The following NGLY1 variants were observed in gnomAD, a reference collection of about 807,000 sequenced individuals.
NGLY1 encodes the protein N-glycanase 1.
NGLY1 carries 68 observed loss-of-function variants against 84.6 expected under a neutral mutation model. The observed-to-expected ratio is 0.80, with a 90% CI of 0.66 to 0.98. The LOEUF is 0.98. Among genes scored for constraint, NGLY1 ranks in the 50% least tolerant of loss-of-function variants. NGLY1 has a pLI of 0.00. For missense variants in NGLY1, 779 were observed against 770.2 expected, an observed-to-expected ratio of 1.01 and a Z score of -0.14; for synonymous variants, 280 against 275.2, an observed-to-expected ratio of 1.02 and a Z score of -0.17.
intron 10 of NGLY1, among the ~76,000 whole-genome samples, chr3:25,721,914 C>G (rs895765401): frequency 3.3e-5 from 5 of 151,740 alleles, no homozygotes; most frequent in Non-Finnish European, 7.4e-5. Context: ...GGCACAGTTT[C>G]TGGATTCATA....
chr3:25,776,798 A>G (rs1437132803), intron 2 of NGLY1, among the ~76,000 whole-genome samples: 1 of 152,184 alleles, frequency 6.6e-6, no homozygotes, highest in Non-Finnish European at 1.5e-5. Flanking sequence ...TCACAAAAAG[A>G]AATCCTGGAT....
rs1375323331 is a variant in NGLY1, at chr3:25,739,584, ATCGATTGCTGAACTGGC to A, written c.857_873del (p.Cys286PhefsTer5). On this transcript the variant is annotated frameshift_variant, in exon 5 of 12. Transcript: ENST00000280700. LOFTEE classifies it high-confidence loss of function. ...ACCATCCAGGGCACCCACCTTGGGA[ATCGATTGCTGAACTGGC>A]AGGCATCACAGTAATGATCTTCCAC... is the stretch of plus-strand genomic sequence containing the variant. The A allele has an allele frequency of 1.9e-6, 3 of 1,613,974 alleles. No individual in the cohort carries two copies. The African/African-American group carries it at 4.0e-5, about 22-fold the overall frequency.
intron 1 of NGLY1, 51 bp from the exon 2 acceptor site, chr3:25,778,739 T>A (rs763363361): frequency 9.0e-7 from 1 of 1,106,732 alleles, no homozygotes; most frequent in South Asian, 1.4e-5. Context: ...AGGTCATAGT[T>A]CTTCAAAGAC....
chr3:25,782,089 G>C (rs1157959960), intron 1 of NGLY1, among the ~76,000 whole-genome samples: 1 of 152,178 alleles, frequency 6.6e-6, no homozygotes, highest in East Asian at 1.9e-4. Context: ...CTGTGAACAG[G>C]CCACATGTTG....
Position 25,719,996 on chromosome 3 carries a change from C to A in NGLY1, c.1789+18G>T, listed in dbSNP as rs185763851. The stretch of plus-strand genomic sequence containing the variant: ...GTAAATATATATTTCGTGATTAATT[C>A]TCCAGGCAAATGCTTACCGCCTGTC... On this transcript the variant is annotated intron_variant, in intron 11 of 11. Transcript: ENST00000280700. 86 of 1,593,708 alleles carry A rather than the reference C, an allele frequency of 5.4e-5. No homozygotes were observed. The highest frequency in any genetic ancestry group is 2.6e-6 in the Non-Finnish European group (3 of 1,166,600).
At position 25,732,380 on chromosome 3, in the gene NGLY1, A is replaced by T. The variant is rs754714582; in HGVS notation, c.1364T>A (p.Leu455His). The change falls in exon 9 of 12, where the codon CTT becomes CAT. Residue 455 changes from leucine to histidine, a missense_variant. Transcript: ENST00000280700. Reference protein sequence around the residue: ...ISPKTPKPGELGGRISGSVAW... With the variant: ...ISPKTPKPGEHGGRISGSVAW... Reference sequence around the variant, plus strand: ...CACTGACCCAGATATTCTTCCCCCAAGTTCTCCAGGTTTAGGGGTTTTGGG... The same window carrying T: ...CACTGACCCAGATATTCTTCCCCCATGTTCTCCAGGTTTAGGGGTTTTGGG... 4.3e-6 allele frequency: 7 copies of T among 1,613,800 alleles called. No homozygotes were observed. Among genetic ancestry groups the T allele is most frequent in the Non-Finnish European group, 5.9e-6 (7 of 1,179,774 alleles).
At position 25,751,147 on chromosome 3, in the gene NGLY1, T is replaced by G; in HGVS notation, c.609A>C (p.Leu203=). 2 of 1,613,830 alleles carry G rather than the reference T, an allele frequency of 1.2e-6. No individual in the cohort carries two copies. Among genetic ancestry groups the G allele is most frequent in the Non-Finnish European group, 1.7e-6 (2 of 1,179,864 alleles). The stretch of plus-strand genomic sequence containing the variant: ...ATAACTTTTCTTGTGATTTCCTTTT[T>G]AGTTCTTGGACCGGAATACAAGCCA... The part of the protein sequence containing the change: ...KALACIPVQE[L]KRKSQEKLSR... Residue 203 remains leucine (L), a synonymous_variant, in exon 4 of 12, where the codon CTA becomes CTC. Transcript: ENST00000280700.
intron 3 of NGLY1, among the ~76,000 whole-genome samples, chr3:25,758,367 G>A (rs978986283): frequency 1.2e-4 from 18 of 152,144 alleles, no homozygotes; most frequent in African/African-American, 3.6e-4. Flanking sequence ...CTTGAGACCA[G>A]GAGTTCCAGA....
chr3:25,758,978 C>G (rs1374575732), intron 3 of NGLY1, among the ~76,000 whole-genome samples: 1 of 152,190 alleles, frequency 6.6e-6, no homozygotes, highest in Non-Finnish European at 1.5e-5. Context: ...TTTGATTCAG[C>G]CAGCCTGGAA....
At chr3:25,734,136 A>C in intron 7 of NGLY1, 154 bp from the exon 8 acceptor site, 13 of 924,994 alleles carry the variant, frequency 1.4e-5, no homozygotes, top group Non-Finnish European at 1.7e-5. Flanking sequence ...GCGTGATCTC[A>C]GCTCACTGCA....
chr3:25,734,922 T>C (rs1316081178), intron 7 of NGLY1: 8 of 743,822 alleles, frequency 1.1e-5, no homozygotes, highest in Non-Finnish European at 1.3e-5. Flanking sequence ...TTTATTGTAT[T>C]AGATTTATAT....
intron 10 of NGLY1, among the ~76,000 whole-genome samples, chr3:25,721,221 C>T (rs1180416563): frequency 6.6e-6 from 1 of 152,120 alleles, no homozygotes; most frequent in Non-Finnish European, 1.5e-5. Flanking sequence ...CTCCAACTAC[C>T]ATGCCTGGCT....
chr3:25,735,830 A>T, intron 7 of NGLY1, 174 bp downstream of exon 7: 1 of 561,002 alleles, frequency 1.8e-6, no homozygotes, highest in Non-Finnish European at 2.9e-6. Flanking sequence ...GCACATCCAT[A>T]CAATGAATAC....
intron 10 of NGLY1, among the ~76,000 whole-genome samples, chr3:25,728,835 A>G (rs1258548763): frequency 6.6e-6 from 1 of 152,122 alleles, no homozygotes; most frequent in East Asian, 1.9e-4. Context: ...ATATATGTAT[A>G]TATGTTCATG....
At chr3:25,736,419 T>C (rs1199223878) in intron 6 of NGLY1, 1 of 1,522,958 alleles carries the variant, frequency 6.6e-7, no homozygotes, top group Admixed American at 2.0e-5. Context: ...GGTAGACATA[T>C]TAAAGAGCAG....
At chr3:25,766,269 G>A (rs938321481) in intron 2 of NGLY1, among the ~76,000 whole-genome samples, 6 of 151,782 alleles carry the variant, frequency 4.0e-5, no homozygotes, top group South Asian at 2.1e-4. Context: ...ATTTCACCAC[G>A]TTGGTCAGGC....
Position 25,719,536 on chromosome 3 carries a change from G to C in NGLY1, c.1889C>G (p.Thr630Ser). ...ATTTAAGCTTTGTCTAAACAGCTGG[G>C]TGTGTTGCCAAGCGACATCACCATC... Reference protein sequence around the residue: ...RGDGDVAWQHTQLFRQSLNDH... With the variant: ...RGDGDVAWQHSQLFRQSLNDH... The change falls in exon 12 of 12, where the codon ACC becomes AGC. Residue 630 changes from threonine (T) to serine (S), a missense_variant. Transcript: ENST00000280700. 1 of 1,613,914 alleles carries C rather than the reference G, an allele frequency of 6.2e-7. No homozygotes were observed. The highest frequency in any genetic ancestry group is 8.5e-7 in the Non-Finnish European group (1 of 1,179,870).
intron 4 of NGLY1, among the ~76,000 whole-genome samples, chr3:25,743,565 T>C (rs1421775135): frequency 2.2e-5 from 2 of 91,972 alleles, no homozygotes; most frequent in Non-Finnish European, 5.6e-5. Flanking sequence ...CCTAGCACTT[T>C]TCACTAGTGT....
chr3:25,765,537 G>A (rs1040726139), intron 2 of NGLY1, among the ~76,000 whole-genome samples: 5 of 151,112 alleles, frequency 3.3e-5, no homozygotes, highest in Admixed American at 6.6e-5. Flanking sequence ...CTCCAAAATC[G>A]ACAATATTAC....
Sources: allele counts gnomAD v4.1 joint callset (sites outside exome capture counted in the v4.1 genomes callset), GRCh38; gene constraint gnomAD v4.1.1; transcripts MANE v1.5; gene names NCBI Gene and HGNC (gene_info 2026-07-23, HGNC 2026-07-21).